FGF12: variants seen among roughly 807,000 people sequenced by gnomAD.
FGF12 encodes the protein fibroblast growth factor 12B.
In FGF12, 14 loss-of-function variants were observed where a neutral mutation model predicts 23.6. That is an observed-to-expected ratio of 0.59 (90% confidence interval 0.39 to 0.93). The LOEUF (loss-of-function observed/expected upper bound fraction) is 0.93. Among genes scored for constraint, FGF12 ranks in the 40% least tolerant of loss-of-function variants. FGF12 has a pLI of 0.00. For synonymous variants in FGF12, 62 were observed against 77.3 expected (o/e 0.80, Z 1.04); for missense variants, 175 against 217.8 (o/e 0.80, Z 1.24).
chr3:192,334,780 C>T (rs1385015664), intron 4 of FGF12, among the ~76,000 whole-genome samples: 1 of 152,058 alleles, frequency 6.6e-6, no homozygotes, highest in Non-Finnish European at 1.5e-5. Context: ...AAAGGGATAT[C>T]AAGATAGTAA....
At chr3:192,667,965 C>A (rs1258160909) in intron 2 of FGF12, among the ~76,000 whole-genome samples, 3 of 152,028 alleles carry the variant, frequency 2.0e-5, no homozygotes, top group Non-Finnish European at 2.9e-5. Flanking sequence ...AAAATGTAAT[C>A]TAGGGATATA....
intron 2 of FGF12, among the ~76,000 whole-genome samples, chr3:192,469,266 A>T (rs961950768): frequency 6.6e-6 from 1 of 152,196 alleles, no homozygotes. Flanking sequence ...AAGTGTGTTC[A>T]TTATAAACAG....
At chr3:192,303,600 A>T (rs1246162912) in intron 4 of FGF12, among the ~76,000 whole-genome samples, 2 of 152,208 alleles carry the variant, frequency 1.3e-5, no homozygotes, top group Non-Finnish European at 2.9e-5. Flanking sequence ...CAACAGCATG[A>T]TTGGAATTTT....
rs190505159 is a variant in FGF12, at chr3:192,647,461, T to A, written c.13+79720A>T. 4.6e-3 allele frequency among the ~76,000 whole-genome samples: 697 copies of A among 152,090 alleles called. 2 individuals are homozygous for A. Among genetic ancestry groups the A allele is most frequent in the Non-Finnish European group, 8.2e-3 (555 of 67,936 alleles). The stretch of plus-strand genomic sequence containing the variant: ...TGCCAAGGTAAGATTTAAAATTTTA[T>A]TATATTTCTAGTTTAAGAAACCTAG... On this transcript the variant is annotated intron_variant, in intron 2 of 5. Transcript: ENST00000445105.
chr3:192,271,795 C>T (rs900984336), intron 4 of FGF12, among the ~76,000 whole-genome samples: 55 of 152,196 alleles, frequency 3.6e-4, no homozygotes, highest in African/African-American at 1.3e-3. Flanking sequence ...GAAAGACATA[C>T]AATATGTCCC....
intron 2 of FGF12, among the ~76,000 whole-genome samples, chr3:192,540,724 A>T (rs1209955397): frequency 1.3e-5 from 2 of 152,108 alleles, no homozygotes; most frequent in African/African-American, 4.8e-5. Context: ...GTCGATGATG[A>T]AAGTGGGGTG....
chr3:192,291,755 A>T (rs1714769689), intron 4 of FGF12, among the ~76,000 whole-genome samples: 1 of 152,136 alleles, frequency 6.6e-6, no homozygotes, highest in African/African-American at 2.4e-5. Flanking sequence ...GGAAATAAAT[A>T]TATGGAAACA....
intron 2 of FGF12, among the ~76,000 whole-genome samples, chr3:192,532,448 C>G (rs1041071788): frequency 6.6e-6 from 1 of 151,900 alleles, no homozygotes; most frequent in Non-Finnish European, 1.5e-5. Flanking sequence ...TGTAGTTCTC[C>G]TTGTAGAGAT....
intron 2 of FGF12, among the ~76,000 whole-genome samples, chr3:192,512,523 A>G (rs980744923): frequency 1.3e-5 from 2 of 152,088 alleles, no homozygotes; most frequent in Non-Finnish European, 2.9e-5. Flanking sequence ...ACAATCTATT[A>G]GGTAGGTACC....
intron 4 of FGF12, among the ~76,000 whole-genome samples, chr3:192,182,179 C>G (rs1460527456): frequency 1.3e-5 from 2 of 151,950 alleles, no homozygotes; most frequent in African/African-American, 4.8e-5. Flanking sequence ...GAAGCTTACA[C>G]AAGCTGGTAA....
At chr3:192,539,200 C>T (rs1378704931) in intron 2 of FGF12, among the ~76,000 whole-genome samples, 1 of 152,128 alleles carries the variant, frequency 6.6e-6, no homozygotes, top group Non-Finnish European at 1.5e-5. Flanking sequence ...TGAAAGTGAG[C>T]ATCCATGTCA....
intron 4 of FGF12, among the ~76,000 whole-genome samples, chr3:192,223,610 A>G (rs542502726): frequency 4.1e-4 from 62 of 152,198 alleles, no homozygotes; most frequent in African/African-American, 1.3e-3. Flanking sequence ...TGGCAAAATT[A>G]TTCACGGTAT....
chr3:192,165,480 T>C (rs975908728), intron 5 of FGF12, among the ~76,000 whole-genome samples: 1 of 151,738 alleles, frequency 6.6e-6, no homozygotes, highest in Non-Finnish European at 1.5e-5. Context: ...TGCCACACAA[T>C]GTCATTGCCA....
At chr3:192,588,474 A>G (rs1713484848) in intron 2 of FGF12, among the ~76,000 whole-genome samples, 2 of 151,766 alleles carry the variant, frequency 1.3e-5, no homozygotes, top group Non-Finnish European at 2.9e-5. Flanking sequence ...ACAGTGGCAT[A>G]TTAAAGAATT....
chr3:192,599,269 A>AATAATAATAATTATAATAATAATT (rs1553837299), intron 2 of FGF12, among the ~76,000 whole-genome samples: 1 of 148,078 alleles, frequency 6.8e-6, no homozygotes, highest in African/African-American at 2.5e-5. Flanking sequence ...TAATAATAAT[A>AATAATAATAATTATAATAATAATT]ATAATAATAA....
intron 2 of FGF12, among the ~76,000 whole-genome samples, chr3:192,705,075 C>T (rs986743810): frequency 1.3e-5 from 2 of 152,222 alleles, no homozygotes; most frequent in African/African-American, 4.8e-5. Flanking sequence ...AGCAATAAGG[C>T]TGTTTCATTT....
At chr3:192,300,457 C>A (rs1715277870) in intron 4 of FGF12, among the ~76,000 whole-genome samples, 1 of 152,046 alleles carries the variant, frequency 6.6e-6, no homozygotes, top group African/African-American at 2.4e-5. Context: ...CAATCCTGGA[C>A]TACCAATCTA....
chr3:192,301,152 T>C (rs1715329014), intron 4 of FGF12, among the ~76,000 whole-genome samples: 1 of 151,912 alleles, frequency 6.6e-6, no homozygotes, highest in Non-Finnish European at 1.5e-5. Context: ...ACTTAAAATA[T>C]TACTGTGAAA....
chr3:192,512,839 T>A (rs7613158), intron 2 of FGF12, among the ~76,000 whole-genome samples: 476 of 23,122 alleles, frequency 0.021, 36 homozygotes, highest in African/African-American at 0.058. Flanking sequence ...CAAATAAATA[T>A]ATATATATAT....
Sources: allele counts gnomAD v4.1 joint callset (sites outside exome capture counted in the v4.1 genomes callset), GRCh38; gene constraint gnomAD v4.1.1; transcripts MANE v1.5; gene names NCBI Gene and HGNC (gene_info 2026-07-23, HGNC 2026-07-21).